The following RNFT2 variants were observed in gnomAD, a reference collection of about 807,000 sequenced individuals.
RNFT2 encodes the protein E3 ubiquitin-protein ligase RNFT2.
Under a neutral mutation model 53.0 loss-of-function variants are expected in RNFT2, and 36 were observed. That is an observed-to-expected ratio of 0.68 (90% CI 0.52 to 0.90). The LOEUF (loss-of-function observed/expected upper bound fraction) is 0.90. RNFT2 is among the 40% of genes least tolerant of loss of function. The pLI, the probability that RNFT2 is intolerant of heterozygous loss-of-function variation, is 0.00. For synonymous variants in RNFT2, 260 were observed against 253.2 expected, an observed-to-expected ratio of 1.03 and a Z score of -0.26; for missense variants, 514 against 585.6, an observed-to-expected ratio of 0.88 and a Z score of 1.26.
chr12:116,749,901 T>C lies in RNFT2; in HGVS notation c.144T>C (p.Ser48=). ...ASVDEGGVFE[S]LKAEAASPPA... ...TGGATGAAGGTGGCGTCTTTGAGAG[T>C]CTGAAGGCAGAGGCAGCCTCCCCAC... The change falls in exon 4 of 11, where the codon AGT becomes AGC. Residue 48 remains serine (S), a synonymous_variant. Transcript: ENST00000257575. 6.3e-7 allele frequency: 1 copy of C among 1,588,754 alleles called. No individual in the cohort carries two copies. Among genetic ancestry groups the C allele is most frequent in the Non-Finnish European group, 8.6e-7 (1 of 1,167,598 alleles).
At chr12:116,795,606 G>A (rs1193406202) in intron 7 of RNFT2, among the ~76,000 whole-genome samples, 4 of 152,166 alleles carry the variant, frequency 2.6e-5, no homozygotes, top group African/African-American at 9.7e-5. Flanking sequence ...GGCTACTAGG[G>A]TAGACAATGT....
intron 7 of RNFT2, among the ~76,000 whole-genome samples, chr12:116,788,188 A>G (rs899370714): frequency 1.3e-5 from 2 of 152,180 alleles, no homozygotes; most frequent in Admixed American, 6.5e-5. Context: ...TGGCCTCCCA[A>G]AGTGCTGGGA....
intron 3 of RNFT2, among the ~76,000 whole-genome samples, chr12:116,744,344 A>T (rs1392047348): frequency 6.6e-6 from 1 of 152,120 alleles, no homozygotes; most frequent in African/African-American, 2.4e-5. Context: ...TAAAGACAAC[A>T]TTGTCATCTG....
chr12:116,849,588 G>C lies in RNFT2; in HGVS notation c.*140G>C. The C allele has an allele frequency of 1.4e-6, 2 of 1,416,570 alleles. No homozygotes were observed. The highest frequency in any genetic ancestry group is 1.8e-6 in the Non-Finnish European group (2 of 1,083,284). 87.8% of individuals were successfully genotyped at this position (1,416,570 alleles called of 1,614,324 possible). A position where few individuals can be genotyped will look rare whatever the true frequency, so the allele number is the denominator to read the frequency against. On this transcript the variant is annotated 3_prime_UTR_variant, in exon 11 of 11. Transcript: ENST00000257575. Reference sequence around the variant, plus strand: ...CCACCACCTCTGACCCCAAAGTCCCGCCCCTGTCTTGTCCTTCTGACCTTC... The same window carrying C: ...CCACCACCTCTGACCCCAAAGTCCCCCCCCTGTCTTGTCCTTCTGACCTTC...
At chr12:116,806,591 T>A (rs975514643) in intron 7 of RNFT2, among the ~76,000 whole-genome samples, 2 of 151,640 alleles carry the variant, frequency 1.3e-5, no homozygotes, top group Non-Finnish European at 2.9e-5. Context: ...ATAAAAAAAA[T>A]TAATTAAAAA....
At chr12:116,777,127 G>A (rs145776596) in intron 6 of RNFT2, among the ~76,000 whole-genome samples, 2,027 of 151,708 alleles carry the variant, frequency 0.013, 38 homozygotes, top group African/African-American at 0.044. Context: ...CATGTTGGCC[G>A]GGCCGGTCTC....
intron 6 of RNFT2, among the ~76,000 whole-genome samples, chr12:116,770,053 G>A (rs985119092): frequency 3.3e-5 from 5 of 152,130 alleles, no homozygotes; most frequent in African/African-American, 4.8e-5. Context: ...TAAAATAAAT[G>A]TAGTGTAGCC....
At chr12:116,814,105 T>C (rs1443082475) in intron 7 of RNFT2, among the ~76,000 whole-genome samples, 1 of 152,180 alleles carries the variant, frequency 6.6e-6, no homozygotes, top group African/African-American at 2.4e-5. Context: ...GAGTAGATGA[T>C]GATAGTCATT....
chr12:116,805,811 C>T (rs1399157418), intron 7 of RNFT2, among the ~76,000 whole-genome samples: 6 of 152,146 alleles, frequency 3.9e-5, no homozygotes, highest in Non-Finnish European at 2.9e-5. Context: ...TATTCTTCCT[C>T]GGGGAAACCT....
rs567190942 is a variant in RNFT2, at chr12:116,808,611, C to G, written c.883-25181C>G. ...GTAGTCCCGCCTGGCTCCACACCCC[C>G]CAAGCTGTTGTTCCGCCACTAGAGA... On this transcript the variant is annotated intron_variant, in intron 7 of 10. Coordinates refer to ENST00000257575, the MANE Select transcript of RNFT2 (RefSeq NM_001382266.1). Among the ~76,000 whole-genome samples, 158 of 152,278 alleles carry G rather than the reference C, an allele frequency of 1.0e-3. 1 individual carries two copies. Among genetic ancestry groups the G allele is most frequent in the Admixed American group, 2.4e-3 (37 of 15,292 alleles).
intron 2 of RNFT2, 194 bp downstream of exon 2, chr12:116,740,715 C>G (rs1871565089): frequency 1.5e-6 from 1 of 649,582 alleles, no homozygotes; most frequent in Admixed American, 2.2e-5. Context: ...ATGTCTCCTG[C>G]CAGTCCGCTG....
intron 10 of RNFT2, among the ~76,000 whole-genome samples, chr12:116,837,746 TG>T (rs1877053231): frequency 6.6e-6 from 1 of 152,170 alleles, no homozygotes; most frequent in South Asian, 2.1e-4. Flanking sequence ...AAATAGAGTC[TG>T]GAGTTGAGTT....
chr12:116,849,634 G>T lies in RNFT2; in HGVS notation c.*186G>T. On this transcript the variant is annotated 3_prime_UTR_variant, in exon 11 of 11. Coordinates refer to ENST00000257575, the MANE Select transcript of RNFT2 (RefSeq NM_001382266.1). ...CCTTCATCTTCCTCTCTCGTTCTGT[G>T]GTATAGTGCGTGCCTCCTTCCCCTG... is the stretch of plus-strand genomic sequence containing the variant. 1 of 1,360,984 alleles carries T rather than the reference G, an allele frequency of 7.3e-7. No individual in the cohort carries two copies. Among genetic ancestry groups the T allele is most frequent in the Non-Finnish European group, 9.5e-7 (1 of 1,054,090 alleles). The allele number at this position is 1,360,984 out of a possible 1,614,324, so 84.3% of individuals were successfully genotyped here.
intron 7 of RNFT2, among the ~76,000 whole-genome samples, chr12:116,804,672 G>A (rs565652440): frequency 8.5e-5 from 13 of 152,078 alleles, no homozygotes; most frequent in African/African-American, 1.4e-4. Context: ...ATCCCAAGAC[G>A]GTTCTTTCTC....
chr12:116,845,274 TAG>T (rs3069215), intron 10 of RNFT2, among the ~76,000 whole-genome samples: 4,836 of 125,198 alleles, frequency 0.039, 111 homozygotes, highest in Non-Finnish European at 0.051. Context: ...TATATATATA[TAG>T]AGAGAGAGAG....
intron 6 of RNFT2, among the ~76,000 whole-genome samples, chr12:116,772,213 T>C (rs1216303996): frequency 6.6e-6 from 1 of 152,246 alleles, no homozygotes; most frequent in Admixed American, 6.5e-5. Context: ...CACCTCAGCC[T>C]CCCAAAGTGC....
At chr12:116,748,727 G>C (rs769502629) in intron 3 of RNFT2, 1 of 433,554 alleles carries the variant, frequency 2.3e-6, no homozygotes, top group African/African-American at 2.1e-5. Context: ...CAGAGCCAGC[G>C]GTCCTTGGGA....
intron 3 of RNFT2, 124 bp downstream of exon 3, chr12:116,741,218 C>T: frequency 2.7e-6 from 2 of 727,382 alleles, no homozygotes; most frequent in Non-Finnish European, 4.8e-6. Flanking sequence ...CTGATGGCCT[C>T]ATACTAAACA....
chr12:116,796,658 A>G (rs1874515699), intron 7 of RNFT2, among the ~76,000 whole-genome samples: 1 of 152,150 alleles, frequency 6.6e-6, no homozygotes, highest in South Asian at 2.1e-4. Context: ...TTTGCTCTCA[A>G]AGTGGTTTCC....
Sources: allele counts gnomAD v4.1 joint callset (sites outside exome capture counted in the v4.1 genomes callset), GRCh38; gene constraint gnomAD v4.1.1; transcripts MANE v1.5; gene names NCBI Gene and HGNC (gene_info 2026-07-23, HGNC 2026-07-21).